MYH14: variants seen among roughly 807,000 people sequenced by gnomAD.
MYH14 encodes myosin-14.
A neutral mutation model predicts 255.5 loss-of-function variants in MYH14; 123 were observed. That is an observed-to-expected ratio of 0.48 (90% CI 0.42 to 0.56). The LOEUF is 0.56. Among genes scored for constraint, MYH14 ranks in the 20% least tolerant of loss-of-function variants. MYH14 has a pLI of 0.00. For missense variants in MYH14, 2,423 were observed against 2,802.3 expected (o/e 0.86, Z 3.06); for synonymous variants, 1,095 against 1,161.2 (o/e 0.94, Z 1.16).
At chr19:50,298,548 C>T (rs1182148262) in intron 39 of MYH14, among the ~76,000 whole-genome samples, 1 of 151,628 alleles carries the variant, frequency 6.6e-6, no homozygotes, top group Non-Finnish European at 1.5e-5. Context: ...GGCAGGAGTT[C>T]AAGATCAGCC....
At position 50,250,380 on chromosome 19, in the gene MYH14, C is replaced by T. The variant is rs1033415697; in HGVS notation, c.1657-135C>T. On this transcript the variant is annotated intron_variant, in intron 14 of 42. Coordinates refer to ENST00000642316, the MANE Select transcript of MYH14 (RefSeq NM_001145809.2). This position sits in a 1 kb window ranked among gnomAD's most constrained non-coding sequence, Gnocchi z 5.4. Reference sequence around the variant, plus strand: ...CCTCCCAAAGTGCTGGGATTACAGGCGTGAGCCACCGTGCCTGGCATCTCA... The same window carrying T: ...CCTCCCAAAGTGCTGGGATTACAGGTGTGAGCCACCGTGCCTGGCATCTCA... The T allele has an allele frequency of 2.7e-5, 23 of 861,920 alleles. No homozygotes were observed. The highest frequency in any genetic ancestry group is 1.1e-4 in the South Asian group (7 of 61,374). 53.4% of individuals were successfully genotyped at this position (861,920 alleles called of 1,614,324 possible).
intron 39 of MYH14, among the ~76,000 whole-genome samples, chr19:50,296,725 G>T (rs2036278919): frequency 6.6e-6 from 1 of 152,238 alleles, no homozygotes; most frequent in Admixed American, 6.5e-5. Context: ...ATACCCATTA[G>T]CAGGAAAGAT....
intron 1 of MYH14, among the ~76,000 whole-genome samples, chr19:50,207,632 T>G (rs1023902010): frequency 2.0e-5 from 3 of 152,152 alleles, no homozygotes; most frequent in Admixed American, 1.3e-4. Context: ...AGTCTCCCCA[T>G]TTTATGGAGA....
intron 12 of MYH14, among the ~76,000 whole-genome samples, chr19:50,247,519 A>T (rs897336252): frequency 5.9e-5 from 9 of 151,878 alleles, no homozygotes; most frequent in African/African-American, 1.5e-4. Flanking sequence ...AAATTAAAAA[A>T]TTTAATAATA....
chr19:50,272,854 G>T (rs964506598), intron 27 of MYH14, 123 bp downstream of exon 27: 11 of 944,334 alleles, frequency 1.2e-5, no homozygotes, highest in Non-Finnish European at 1.7e-5. Context: ...GCCACAGACA[G>T]GCCACATCCC....
chr19:50,278,050 C>G, intron 29 of MYH14, 33 bp from the exon 30 acceptor site: 3 of 1,497,710 alleles, frequency 2.0e-6, no homozygotes, highest in South Asian at 2.8e-5. Context: ...GGAAAGGCCT[C>G]ATAGATCTTT....
chr19:50,207,310 A>AGAGAGAGAGAGAGG (rs1303059650), intron 1 of MYH14, among the ~76,000 whole-genome samples: 2 of 148,890 alleles, frequency 1.3e-5, no homozygotes, highest in East Asian at 2.0e-4. Flanking sequence ...AGAGAGAGAG[A>AGAGAGAGAGAGAGG]GAGACTAGGG....
chr19:50,280,528 C>A lies in MYH14; in HGVS notation c.4290+145C>A. The A allele has an allele frequency of 1.2e-6, 1 of 839,812 alleles. No homozygotes were observed. The highest frequency in any genetic ancestry group is 1.8e-6 in the Non-Finnish European group (1 of 556,370). 52.0% of individuals were successfully genotyped at this position (839,812 alleles called of 1,614,324 possible). On this transcript the variant is annotated intron_variant, in intron 32 of 42. Coordinates refer to ENST00000642316, the MANE Select transcript of MYH14 (RefSeq NM_001145809.2). This position sits in a 1 kb window ranked among gnomAD's most constrained non-coding sequence, Gnocchi z 4.8. ...CTTTCTCATCTCTGACTCCCCCTTACCCCCCACAGCCCATGCCCAGCCCTG... is the reference window on the plus strand; with the variant it reads ...CTTTCTCATCTCTGACTCCCCCTTAACCCCCACAGCCCATGCCCAGCCCTG...
Position 50,232,593 on chromosome 19 carries a change from CAAAAAAAAA to C in MYH14, c.1114+538_1114+546del, listed in dbSNP as rs532232129. Among the ~76,000 whole-genome samples the C allele has an allele frequency of 6.3e-5, 4 of 63,710 alleles. 1 individual carries two copies. Among genetic ancestry groups the C allele is most frequent in the South Asian group, 1.4e-3 (2 of 1,406 alleles). The allele number at this position is 63,710 out of a possible 152,430, so 41.8% of individuals were successfully genotyped here. ...TGGTCAACAGAGCGAGACTCTGTCT[CAAAAAAAAA>C]AAAAAAAAAAAAAACAAAAAGACCA... On this transcript the variant is annotated intron_variant, in intron 10 of 42. Coordinates refer to ENST00000642316, the MANE Select transcript of MYH14 (RefSeq NM_001145809.2).
chr19:50,250,658 C>T lies in MYH14; in HGVS notation c.1800C>T (p.Ala600=), dbSNP rs745625855. The change falls in exon 15 of 43, where the codon GCC becomes GCT. Residue 600 remains alanine (A), a synonymous_variant. Coordinates refer to ENST00000642316, the MANE Select transcript of MYH14 (RefSeq NM_001145809.2). This position sits in a 1 kb window ranked among gnomAD's most constrained non-coding sequence, Gnocchi z 5.4. ...GGCCGAGGCACCTGCGGGATCAGGC[C>T]GACTTCAGTGTTCTCCACTACGCGG... is the stretch of plus-strand genomic sequence containing the variant. ...FQRPRHLRDQ[A]DFSVLHYAGK... 21 of 1,613,742 alleles carry T rather than the reference C, an allele frequency of 1.3e-5. No homozygotes were observed. The East Asian group carries it at 1.6e-4, about 12-fold the overall frequency.
chr19:50,257,455 TC>T lies in MYH14; in HGVS notation c.2203del (p.Arg735AlafsTer55). 6.2e-7 allele frequency: 1 copy of T among 1,607,252 alleles called. No homozygotes were observed. Among genetic ancestry groups the T allele is most frequent in the Non-Finnish European group, 8.5e-7 (1 of 1,176,764 alleles). ...ATLSNTNPSF[V>X]RCIVPNHEKR... ...CTCAGCAACACCAACCCCAGTTTTG[TC>T]CGCTGCATTGTCCCCAACCACGAGA... On this transcript the variant is annotated frameshift_variant, in exon 18 of 43. Coordinates refer to ENST00000642316, the MANE Select transcript of MYH14 (RefSeq NM_001145809.2). LOFTEE classifies it high-confidence loss of function.
Position 50,309,889 on chromosome 19 carries a change from T to C in MYH14, c.*99T>C. 1 of 1,302,980 alleles carries C rather than the reference T, an allele frequency of 7.7e-7. No homozygotes were observed. The highest frequency in any genetic ancestry group is 1.1e-6 in the Non-Finnish European group (1 of 921,454). The allele number at this position is 1,302,980 out of a possible 1,614,324, so 80.7% of individuals were successfully genotyped here. On this transcript the variant is annotated 3_prime_UTR_variant, in exon 43 of 43. Coordinates refer to ENST00000642316, the MANE Select transcript of MYH14 (RefSeq NM_001145809.2). ...CCCAGGAACCCCGCCCTCTGACTTC[T>C]TGCCCTTTGGAAATGGTGCAGCACT...
At chr19:50,288,098 G>A (rs653584) in intron 34 of MYH14, among the ~76,000 whole-genome samples, 54,474 of 151,928 alleles carry the variant, frequency 0.36, 10,561 homozygotes, top group African/African-American at 0.5. Context: ...AAAATGACCC[G>A]CCACATCCTC....
chr19:50,299,501 G>A (rs2036398922), intron 39 of MYH14, among the ~76,000 whole-genome samples: 1 of 146,280 alleles, frequency 6.8e-6, no homozygotes, highest in South Asian at 2.1e-4. Context: ...ATCCTGGGAG[G>A]CAGAGGTTGC....
chr19:50,250,334 C>G lies in MYH14; in HGVS notation c.1657-181C>G, dbSNP rs2034321974. 1.3e-5 allele frequency among the ~76,000 whole-genome samples: 2 copies of G among 150,924 alleles called. No homozygotes were observed. Among genetic ancestry groups the G allele is most frequent in the African/African-American group, 4.9e-5 (2 of 41,082 alleles). On this transcript the variant is annotated intron_variant, in intron 14 of 42. Transcript: ENST00000642316. The surrounding 1 kb of genome is among the most constrained non-coding windows in gnomAD (Gnocchi z 5.4). ...GCCAGGATGGTCTCGATCTCCTGAC[C>G]TCGTGATCTACCCGCCTCGGCCTCC...
At chr19:50,267,265 G>A (rs1369218378) in intron 23 of MYH14, among the ~76,000 whole-genome samples, 1 of 151,918 alleles carries the variant, frequency 6.6e-6, no homozygotes, top group East Asian at 1.9e-4. Context: ...GGGGTGGGGT[G>A]GGAGAGTCCT....
At chr19:50,206,471 T>TA (rs1225211509) in intron 1 of MYH14, among the ~76,000 whole-genome samples, 24 of 152,180 alleles carry the variant, frequency 1.6e-4, no homozygotes, top group Admixed American at 1.3e-3. Flanking sequence ...GGGTCCGGTG[T>TA]ATCCAGGTCA....
chr19:50,247,831 T>C (rs594083), intron 12 of MYH14, among the ~76,000 whole-genome samples: 119,047 of 151,576 alleles, frequency 0.79, 47,383 homozygotes, highest in Admixed American at 0.84. Flanking sequence ...TTTGGGAGGC[T>C]GAGGCGGACA....
chr19:50,233,047 C>G (rs672288), intron 10 of MYH14, among the ~76,000 whole-genome samples: 145,115 of 152,214 alleles, frequency 0.95, 69,201 homozygotes, highest in South Asian at 0.98. Context: ...GCTGCTGAGG[C>G]TCTAGGGAAG....
Sources: allele counts gnomAD v4.1 joint callset (sites outside exome capture counted in the v4.1 genomes callset), GRCh38; gene constraint gnomAD v4.1.1; non-coding constraint Gnocchi (gnomAD v3.1); transcripts MANE v1.5; gene names NCBI Gene and HGNC (gene_info 2026-07-23, HGNC 2026-07-21).